The following CNTNAP2 variants were observed in gnomAD, a reference collection of about 807,000 sequenced individuals.
CNTNAP2 encodes contactin-associated protein-like 2.
A neutral mutation model predicts 155.2 loss-of-function variants in CNTNAP2; 98 were observed. The ratio of observed to expected loss-of-function variants is 0.63; its 90% CI spans 0.54 to 0.75. The LOEUF (loss-of-function observed/expected upper bound fraction) is 0.75. CNTNAP2 is among the 30% of genes least tolerant of loss of function. The pLI, the probability that CNTNAP2 is intolerant of heterozygous loss-of-function variation, is 0.00. For missense variants in CNTNAP2, 1,727 were observed against 1,688.1 expected, an observed-to-expected ratio of 1.02 and a Z score of -0.40; for synonymous variants, 651 against 631.2, an observed-to-expected ratio of 1.03 and a Z score of -0.47.
At chr7:146,564,247 A>G (rs1798323637) in intron 1 of CNTNAP2, among the ~76,000 whole-genome samples, 1 of 152,140 alleles carries the variant, frequency 6.6e-6, no homozygotes, top group South Asian at 2.1e-4. Flanking sequence ...TTGATATTTT[A>G]GAGAGGCAAC....
chr7:147,619,077 A>T (rs540279304), intron 12 of CNTNAP2, among the ~76,000 whole-genome samples: 44 of 152,320 alleles, frequency 2.9e-4, no homozygotes, highest in African/African-American at 8.9e-4. Context: ...AACAAAATAA[A>T]TTGTGACAAT....
intron 1 of CNTNAP2, among the ~76,000 whole-genome samples, chr7:146,663,520 A>C (rs889933174): frequency 6.6e-6 from 1 of 152,122 alleles, no homozygotes; most frequent in East Asian, 1.9e-4. Flanking sequence ...ATATCGGTCT[A>C]TTATATAGCT....
Position 147,964,527 on chromosome 7 carries a change from GA to G in CNTNAP2, c.2256-13330del, listed in dbSNP as rs1801171072. 2.0e-5 allele frequency among the ~76,000 whole-genome samples: 3 copies of G among 152,184 alleles called. No individual in the cohort carries two copies. The South Asian group carries it at 6.2e-4, about 32-fold the overall frequency. ...TTTCCCCTTCTGGATCCTCACAGGA[GA>G]AAAATAAATTCACATTAACAAATAT... On this transcript the variant is annotated intron_variant, in intron 14 of 23. Coordinates refer to ENST00000361727, the MANE Select transcript of CNTNAP2 (RefSeq NM_014141.6).
intron 10 of CNTNAP2, among the ~76,000 whole-genome samples, chr7:147,399,389 C>T (rs1222323907): frequency 6.6e-6 from 1 of 152,058 alleles, no homozygotes; most frequent in Non-Finnish European, 1.5e-5. Context: ...ACGCGTGTAC[C>T]CTAGACCAGG....
At chr7:146,187,021 A>C (rs1417865876) in intron 1 of CNTNAP2, among the ~76,000 whole-genome samples, 1 of 152,166 alleles carries the variant, frequency 6.6e-6, no homozygotes, top group African/African-American at 2.4e-5. Context: ...TAAAACACTC[A>C]TTGCAGTGTA....
chr7:146,876,475 T>C (rs1484691293), intron 3 of CNTNAP2, among the ~76,000 whole-genome samples: 3 of 152,200 alleles, frequency 2.0e-5, no homozygotes, highest in Non-Finnish European at 2.9e-5. Context: ...ATAAAATAAA[T>C]GTCCTTCCTA....
At chr7:146,164,247 A>C (rs1798277337) in intron 1 of CNTNAP2, among the ~76,000 whole-genome samples, 1 of 145,614 alleles carries the variant, frequency 6.9e-6, no homozygotes, top group African/African-American at 2.7e-5. Flanking sequence ...ATGTTCTAAG[A>C]CTTCATTAAA....
rs1802094987 is a variant in CNTNAP2 at position 146,761,327 on chromosome 7, AAG to A, written c.98-12943_98-12942del. Among the ~76,000 whole-genome samples, 6 of 145,432 alleles carry A rather than the reference AAG, an allele frequency of 4.1e-5. 1 individual carries two copies. The South Asian group carries it at 6.3e-4, about 15-fold the overall frequency. Reference sequence around the variant, plus strand: ...GAAGGAAGGAAGGAAGGAAGGAAGGAAGGAAGGAAAATAGGAAAGTGTGTTCC... The same window carrying A: ...GAAGGAAGGAAGGAAGGAAGGAAGGAGAAGGAAAATAGGAAAGTGTGTTCC... On this transcript the variant is annotated intron_variant, in intron 1 of 23. Transcript: ENST00000361727.
rs189190791 is a variant in CNTNAP2 at position 148,308,614 on chromosome 7, T to C, written c.3475+41488T>C. Among the ~76,000 whole-genome samples the C allele has an allele frequency of 7.3e-3, 1,107 of 152,084 alleles. 12 individuals carry two copies. The highest frequency in any genetic ancestry group is 0.026 in the African/African-American group (1,070 of 41,448). On this transcript the variant is annotated intron_variant, in intron 21 of 23. Coordinates refer to ENST00000361727, the MANE Select transcript of CNTNAP2 (RefSeq NM_014141.6). ...ATTATACTTTAAGTTCTGGGGTACA[T>C]GTACGGAACGTGCAGTTTTGTTACA...
chr7:147,958,328 A>G (rs1225114167), intron 14 of CNTNAP2, among the ~76,000 whole-genome samples: 2 of 152,284 alleles, frequency 1.3e-5, no homozygotes, highest in East Asian at 3.9e-4. Context: ...CAAATTGCTT[A>G]TTTGTAGAAG....
intron 1 of CNTNAP2, among the ~76,000 whole-genome samples, chr7:146,346,022 G>A (rs748060064): frequency 6.6e-6 from 1 of 152,168 alleles, no homozygotes; most frequent in Non-Finnish European, 1.5e-5. Flanking sequence ...TGAGATGAAA[G>A]CACTGTTCTC....
Position 148,316,424 on chromosome 7 carries a change from C to T in CNTNAP2, c.3475+49298C>T, listed in dbSNP as rs561872611. On this transcript the variant is annotated intron_variant, in intron 21 of 23. Transcript: ENST00000361727. ...GTCAGATTCAGAGCATGACCATCAG[C>T]AAGGTAAATCCCTACTGCCCACAGT... Among the ~76,000 whole-genome samples the T allele has an allele frequency of 2.8e-4, 42 of 152,124 alleles. No homozygotes were observed. In the South Asian group the frequency reaches 3.9e-3, roughly 14 times the overall value.
intron 1 of CNTNAP2, among the ~76,000 whole-genome samples, chr7:146,507,670 A>G (rs1251393293): frequency 6.6e-6 from 1 of 152,150 alleles, no homozygotes; most frequent in Admixed American, 6.5e-5. Context: ...TTGGCAGACA[A>G]TCCAGGCCTT....
chr7:148,216,248 G>A (rs1365090845), intron 18 of CNTNAP2, among the ~76,000 whole-genome samples: 1 of 152,168 alleles, frequency 6.6e-6, no homozygotes. Flanking sequence ...GCTGATGCAG[G>A]AAGGGTTTCT....
chr7:147,649,018 T>A (rs1249076491), intron 13 of CNTNAP2, among the ~76,000 whole-genome samples: 2 of 152,174 alleles, frequency 1.3e-5, no homozygotes, highest in African/African-American at 4.8e-5. Flanking sequence ...CATTTTCTTT[T>A]TTGTGTGCAT....
intron 12 of CNTNAP2, among the ~76,000 whole-genome samples, chr7:147,564,316 G>A (rs1358051074): frequency 6.6e-6 from 1 of 152,034 alleles, no homozygotes; most frequent in Non-Finnish European, 1.5e-5. Context: ...TCTCAGAGAA[G>A]GAACACACTT....
Position 147,132,601 on chromosome 7 carries a change from G to A in CNTNAP2, c.1348+92G>A, listed in dbSNP as rs922281978. On this transcript the variant is annotated intron_variant, in intron 8 of 23. Transcript: ENST00000361727. ...TTGTTTGGTTTTGCTGGTGTTACAC[G>A]CTCAGGATTAGGTTTTAATTCAGAT... The A allele has an allele frequency of 1.5e-5, 23 of 1,513,400 alleles. No homozygotes were observed. The East Asian group carries it at 2.1e-4, about 13-fold the overall frequency. 93.7% of individuals were successfully genotyped at this position (1,513,400 alleles called of 1,614,324 possible). A position where few individuals can be genotyped will look rare whatever the true frequency, so the allele number is the denominator to read the frequency against.
chr7:147,103,881 C>G (rs1403884041), intron 4 of CNTNAP2, among the ~76,000 whole-genome samples: 1 of 151,964 alleles, frequency 6.6e-6, no homozygotes, highest in Non-Finnish European at 1.5e-5. Context: ...TACAAAGCAC[C>G]TGGCTGGTGC....
intron 13 of CNTNAP2, among the ~76,000 whole-genome samples, chr7:147,784,343 C>G: frequency 7.1e-6 from 1 of 140,370 alleles, no homozygotes; most frequent in African/African-American, 2.6e-5. Flanking sequence ...CATTTTAAAA[C>G]ACAAAGATTA....
Sources: gnomAD v4.1 joint callset for allele counts (sites outside exome capture counted in the v4.1 genomes callset) on GRCh38, gnomAD v4.1.1 for gene constraint, MANE v1.5 for transcripts, NCBI Gene and HGNC (gene_info 2026-07-23, HGNC 2026-07-21) for gene names.